Variants in LMNTD1 observed in about 807,000 individuals in gnomAD.
LMNTD1 encodes lamin tail domain containing 1, also known as lamin tail domain-containing protein 1.
In LMNTD1, 35 loss-of-function variants were observed where a neutral mutation model predicts 50.9. The ratio of observed to expected loss-of-function variants is 0.69; its 90% CI spans 0.53 to 0.91. LMNTD1 has a LOEUF of 0.91. Among genes scored for constraint, LMNTD1 ranks in the 40% least tolerant of loss-of-function variants. The pLI is 0.00. For synonymous variants in LMNTD1, 153 were observed against 161.9 expected (o/e 0.94, Z 0.42); for missense variants, 470 against 475.5 (o/e 0.99, Z 0.11).
intron 1 of LMNTD1, among the ~76,000 whole-genome samples, chr12:25,604,320 AT>A: frequency 6.6e-6 from 1 of 152,146 alleles, no homozygotes; most frequent in South Asian, 2.1e-4. Flanking sequence ...CATTTTAAAA[AT>A]CATGGTTCTT....
At chr12:25,550,756 G>T (rs1017381910) in intron 2 of LMNTD1, among the ~76,000 whole-genome samples, 31 of 152,334 alleles carry the variant, frequency 2.0e-4, no homozygotes, top group African/African-American at 7.0e-4. Flanking sequence ...GTTCTACAAT[G>T]TGAAAGTTCC....
At chr12:25,551,613 T>C (rs950157705) in intron 2 of LMNTD1, among the ~76,000 whole-genome samples, 4 of 152,172 alleles carry the variant, frequency 2.6e-5, no homozygotes, top group African/African-American at 4.8e-5. Flanking sequence ...CTGTCTCTAA[T>C]ACTCCTGGCC....
At chr12:25,527,671 T>C (rs1193450530) in intron 4 of LMNTD1, among the ~76,000 whole-genome samples, 13 of 22,012 alleles carry the variant, frequency 5.9e-4, no homozygotes, top group Non-Finnish European at 1.2e-3. Flanking sequence ...TATATATATA[T>C]ATATATATAT....
chr12:25,503,651 C>T, intron 9 of LMNTD1, 87 bp downstream of exon 9: 1 of 750,142 alleles, frequency 1.3e-6, no homozygotes, highest in South Asian at 1.6e-5. Context: ...AACCCATGTT[C>T]TGATGACTTT....
chr12:25,552,581 GAAAAAA>G (rs55848800), intron 2 of LMNTD1, among the ~76,000 whole-genome samples: 1 of 58,152 alleles, frequency 1.7e-5, no homozygotes, highest in African/African-American at 5.7e-5. Context: ...CACTCTGTCT[GAAAAAA>G]AAAAAAAAAA....
At chr12:25,624,119 T>C (rs1395145530) in intron 1 of LMNTD1, among the ~76,000 whole-genome samples, 1 of 152,256 alleles carries the variant, frequency 6.6e-6, no homozygotes, top group Non-Finnish European at 1.5e-5. Context: ...GCTCATTGAC[T>C]GTTCTTATCT....
At chr12:25,574,789 A>T (rs1270783988) in intron 1 of LMNTD1, among the ~76,000 whole-genome samples, 1 of 152,168 alleles carries the variant, frequency 6.6e-6, no homozygotes, top group Non-Finnish European at 1.5e-5. Flanking sequence ...TCCAGTGCAC[A>T]GAATAGACAC....
chr12:25,648,032 T>G (rs766143621), intron 1 of LMNTD1, among the ~76,000 whole-genome samples: 1 of 152,188 alleles, frequency 6.6e-6, no homozygotes, highest in Non-Finnish European at 1.5e-5. Context: ...TTAGTCAAGA[T>G]AGAGAATGTA....
chr12:25,483,898 T>C (rs1938525869), intron 9 of LMNTD1, among the ~76,000 whole-genome samples: 1 of 151,946 alleles, frequency 6.6e-6, no homozygotes, highest in Non-Finnish European at 1.5e-5. Context: ...TGGACATAAA[T>C]AGTCTGAAGA....
intron 1 of LMNTD1, among the ~76,000 whole-genome samples, chr12:25,641,181 T>C (rs1179023749): frequency 1.3e-5 from 2 of 152,182 alleles, no homozygotes; most frequent in Non-Finnish European, 2.9e-5. Context: ...ATCTGATAAG[T>C]GCAAGAAGGT....
intron 1 of LMNTD1, among the ~76,000 whole-genome samples, chr12:25,622,465 C>CG (rs1283668121): frequency 8.3e-6 from 1 of 120,252 alleles, no homozygotes; most frequent in Non-Finnish European, 1.9e-5. Flanking sequence ...GTTTGTGAGC[C>CG]CGCCCCCCCC....
At chr12:25,628,187 C>T (rs908917976) in intron 1 of LMNTD1, among the ~76,000 whole-genome samples, 3 of 144,650 alleles carry the variant, frequency 2.1e-5, no homozygotes, top group African/African-American at 7.7e-5. Context: ...GATTGAATTG[C>T]ATATATTACT....
intron 1 of LMNTD1, among the ~76,000 whole-genome samples, chr12:25,575,535 T>C (rs1269317316): frequency 6.6e-6 from 1 of 152,194 alleles, no homozygotes; most frequent in Non-Finnish European, 1.5e-5. Flanking sequence ...GAACTAATGC[T>C]GTATGTTGCT....
At chr12:25,589,898 G>C (rs1592080212) in intron 1 of LMNTD1, among the ~76,000 whole-genome samples, 1 of 152,076 alleles carries the variant, frequency 6.6e-6, no homozygotes, top group East Asian at 1.9e-4. Context: ...GGCTGAGCTT[G>C]AAGTAGCCAC....
chr12:25,512,872 G>T (rs889680222), intron 8 of LMNTD1, among the ~76,000 whole-genome samples: 14 of 151,478 alleles, frequency 9.2e-5, no homozygotes, highest in East Asian at 1.9e-4. Flanking sequence ...TATGGGGGGG[G>T]GCTTTAATGA....
intron 6 of LMNTD1, among the ~76,000 whole-genome samples, chr12:25,524,088 C>G (rs922901985): frequency 1.3e-5 from 2 of 152,184 alleles, no homozygotes; most frequent in African/African-American, 4.8e-5. Flanking sequence ...GGGCAAACTC[C>G]TCTCCACTAC....
At chr12:25,551,081 C>T (rs1304746568) in intron 2 of LMNTD1, among the ~76,000 whole-genome samples, 2 of 152,200 alleles carry the variant, frequency 1.3e-5, no homozygotes, top group Admixed American at 6.5e-5. Context: ...CTGTGTTCAA[C>T]ATGAGACAGG....
At chr12:25,612,233 G>T (rs1946260655) in intron 1 of LMNTD1, among the ~76,000 whole-genome samples, 1 of 150,602 alleles carries the variant, frequency 6.6e-6, no homozygotes, top group African/African-American at 2.4e-5. Context: ...GAACAATCTG[G>T]AAAAAAGTAT....
rs1329716084 is a variant in LMNTD1 at position 25,510,736 on chromosome 12, A to G, written c.1190-6936T>C. Among the ~76,000 whole-genome samples, 5 of 152,192 alleles carry G rather than the reference A, an allele frequency of 3.3e-5. No homozygotes were observed. In the East Asian group the frequency reaches 9.7e-4, roughly 29 times the overall value. ...TTCCTTCTAAAATTCTCATTAAAAT[A>G]CCAGTCTAACTCTATGAGATGTCAT... On this transcript the variant is annotated intron_variant, in intron 8 of 9. Transcript: ENST00000458174.
Sources: gnomAD v4.1 joint callset for allele counts (sites outside exome capture counted in the v4.1 genomes callset) on GRCh38, gnomAD v4.1.1 for gene constraint, MANE v1.5 for transcripts, NCBI Gene and HGNC (gene_info 2026-07-23, HGNC 2026-07-21) for gene names.